The following PHKG2 variants were observed in gnomAD, a reference collection of about 807,000 sequenced individuals.
PHKG2 encodes phosphorylase kinase catalytic subunit gamma 2, also known as phosphorylase b kinase gamma catalytic chain, liver/testis isoform.
In PHKG2, 28 loss-of-function variants were observed where a neutral mutation model predicts 44.5. The ratio of observed to expected loss-of-function variants is 0.63; its 90% CI spans 0.47 to 0.86. The LOEUF (loss-of-function observed/expected upper bound fraction) is 0.86. Among genes scored for constraint, PHKG2 ranks in the 40% least tolerant of loss-of-function variants. The pLI is 0.00. For synonymous variants in PHKG2, 220 were observed against 211.2 expected, an observed-to-expected ratio of 1.04 and a Z score of -0.36; for missense variants, 498 against 547.5, an observed-to-expected ratio of 0.91 and a Z score of 0.90.
At position 30,760,243 on chromosome 16, in the gene PHKG2, C is replaced by T. The variant is rs772647889; in HGVS notation, c.*3146C>T. 3.1e-6 allele frequency: 5 copies of T among 1,613,746 alleles called. No individual in the cohort carries two copies. In the Admixed American group the frequency reaches 6.7e-5, roughly 22 times the overall value. On this transcript the variant is annotated 3_prime_UTR_variant, in exon 10 of 10. Transcript: ENST00000563588. ...GTCACTTGTGCCAGGCCCGGTTCCTCTTCTCCCTGGGGCTCAAACCTGGTA... is the reference window on the plus strand; with the variant it reads ...GTCACTTGTGCCAGGCCCGGTTCCTTTTCTCCCTGGGGCTCAAACCTGGTA...
Position 30,759,980 on chromosome 16 carries a change from TC to T in PHKG2, c.*2884del. 1 of 1,455,252 alleles carries T rather than the reference TC, an allele frequency of 6.9e-7. No homozygotes were observed. Among genetic ancestry groups the T allele is most frequent in the Non-Finnish European group, 9.0e-7 (1 of 1,110,880 alleles). The allele number at this position is 1,455,252 out of a possible 1,614,324, so 90.1% of individuals were successfully genotyped here. A position where few individuals can be genotyped will look rare whatever the true frequency, so the allele number is the denominator to read the frequency against. On this transcript the variant is annotated 3_prime_UTR_variant, in exon 10 of 10. Transcript: ENST00000563588. The stretch of plus-strand genomic sequence containing the variant: ...CTAGGGGAATAAACCAAGAAATAGA[TC>T]ATTTCAGCTATTAAACATTCTGAAG...
chr16:30,760,827 A>C lies in PHKG2; in HGVS notation c.*3730A>C, dbSNP rs1217738452. Reference sequence around the variant, plus strand: ...GCAAATCGTTAACTCTCTGGGCCTAAATGAACTCTTATGAGCCTCTCCATT... The same window carrying C: ...GCAAATCGTTAACTCTCTGGGCCTACATGAACTCTTATGAGCCTCTCCATT... On this transcript the variant is annotated 3_prime_UTR_variant, in exon 10 of 10. Transcript: ENST00000563588. 4.4e-6 allele frequency: 3 copies of C among 689,506 alleles called. No individual in the cohort carries two copies. Among genetic ancestry groups the C allele is most frequent in the Non-Finnish European group, 7.7e-6 (3 of 389,304 alleles). 42.7% of individuals were successfully genotyped at this position (689,506 alleles called of 1,614,324 possible).
Position 30,760,689 on chromosome 16 carries a change from G to C in PHKG2, c.*3592G>C, listed in dbSNP as rs1272197687. The C allele has an allele frequency of 6.5e-7, 1 of 1,549,954 alleles. No individual in the cohort carries two copies. The highest frequency in any genetic ancestry group is 2.0e-5 in the Admixed American group (1 of 50,994). On this transcript the variant is annotated 3_prime_UTR_variant, in exon 10 of 10. Transcript: ENST00000563588. ...ACTTCCTGTTATAGTAAAAGAAAAAGAGTATTGGTGGCCGTTACCTATCAT... is the reference window on the plus strand; with the variant it reads ...ACTTCCTGTTATAGTAAAAGAAAAACAGTATTGGTGGCCGTTACCTATCAT...
At position 30,760,339 on chromosome 16, in the gene PHKG2, C is replaced by T; in HGVS notation, c.*3242C>T. ...GGGCACAAGCCGCTGACGTCTGCTC[C>T]AGTGAGAAGCCCTGCTGGCGGCAGA... On this transcript the variant is annotated 3_prime_UTR_variant, in exon 10 of 10. Coordinates refer to ENST00000563588, the MANE Select transcript of PHKG2 (RefSeq NM_000294.3). 1 of 1,614,230 alleles carries T rather than the reference C, an allele frequency of 6.2e-7. No homozygotes were observed. Among genetic ancestry groups the T allele is most frequent in the East Asian group, 2.2e-5 (1 of 44,882 alleles).
At chr16:30,748,738 C>A in intron 1 of PHKG2, 65 bp from the exon 2 acceptor site, 1 of 931,596 alleles carries the variant, frequency 1.1e-6, no homozygotes, top group South Asian at 1.4e-5. Flanking sequence ...CCCCGGGAGC[C>A]GCCATGCGGG....
Position 30,760,426 on chromosome 16 carries a change from C to G in PHKG2, c.*3329C>G, listed in dbSNP as rs763198572. 8 of 1,614,018 alleles carry G rather than the reference C, an allele frequency of 5.0e-6. No individual in the cohort carries two copies. The highest frequency in any genetic ancestry group is 2.7e-5 in the African/African-American group (2 of 74,902). On this transcript the variant is annotated 3_prime_UTR_variant, in exon 10 of 10. Transcript: ENST00000563588. ...CGTCCCTCAGGCTCTGCTCAGGACA[C>G]CCTAGCTCCAGCAGCTCAGCCAGCA...
chr16:30,760,331 G>A lies in PHKG2; in HGVS notation c.*3234G>A, dbSNP rs372278563. ...CTGGAGCAGGGCACAAGCCGCTGAC[G>A]TCTGCTCCAGTGAGAAGCCCTGCTG... On this transcript the variant is annotated 3_prime_UTR_variant, in exon 10 of 10. Transcript: ENST00000563588. The A allele has an allele frequency of 1.4e-5, 23 of 1,614,102 alleles. No individual in the cohort carries two copies. Among genetic ancestry groups the A allele is most frequent in the Middle Eastern group, 1.6e-4 (1 of 6,084 alleles).
Position 30,748,896 on chromosome 16 carries a change from C to G in PHKG2, c.76C>G (p.Pro26Ala), listed in dbSNP as rs1367737087. The G allele has an allele frequency of 6.4e-7, 1 of 1,553,956 alleles. No individual in the cohort carries two copies. The highest frequency in any genetic ancestry group is 8.7e-7 in the Non-Finnish European group (1 of 1,148,134). The change falls in exon 2 of 10, where the codon CCT (proline) becomes GCT (alanine). Residue 26 changes from proline to alanine, a missense_variant. Coordinates refer to ENST00000563588, the MANE Select transcript of PHKG2 (RefSeq NM_000294.3). ...AAKEFYQKYDPKDVIGRGVSS... is the reference protein window; with the variant it reads ...AAKEFYQKYDAKDVIGRGVSS... ...CAAAGAGTTTTACCAGAAGTACGAC[C>G]CTAAGGACGTCATCGGCAGGTAAGG...
chr16:30,751,801 T>C (rs1334156588), intron 4 of PHKG2, 198 bp downstream of exon 4: 2 of 669,082 alleles, frequency 3.0e-6, no homozygotes, highest in South Asian at 3.1e-5. Context: ...AATTCTTTAA[T>C]AGTGACTAGT....
chr16:30,759,571 T>G lies in PHKG2; in HGVS notation c.*2474T>G. ...GCCCACTGGGGTCTTCACAAGAAGA[T>G]AAGGGTGATGAATGTGAGAGAGACT... On this transcript the variant is annotated 3_prime_UTR_variant, in exon 10 of 10. Coordinates refer to ENST00000563588, the MANE Select transcript of PHKG2 (RefSeq NM_000294.3). 6.2e-7 allele frequency: 1 copy of G among 1,614,038 alleles called. No individual in the cohort carries two copies. Among genetic ancestry groups the G allele is most frequent in the Non-Finnish European group, 8.5e-7 (1 of 1,179,986 alleles).
chr16:30,757,587 C>G lies in PHKG2; in HGVS notation c.*490C>G, dbSNP rs757905209. ...TGGCCTTGAGCCGCTCCTCCACCAG[C>G]CCCTGGAGCTGCTCCAGCTCTTTGT... On this transcript the variant is annotated 3_prime_UTR_variant, in exon 10 of 10. Transcript: ENST00000563588. 5 of 1,614,184 alleles carry G rather than the reference C, an allele frequency of 3.1e-6. No individual in the cohort carries two copies. In the East Asian group the frequency reaches 1.1e-4, roughly 36 times the overall value.
rs1223414017 is a variant in PHKG2, at chr16:30,761,099, T to TC, written c.*4003dup. ...GTAATTGCATCTCCAGGCCTCAGTC[T>TC]CATCTGTAAAATGGGGATGCCCTGG... is the stretch of plus-strand genomic sequence containing the variant. On this transcript the variant is annotated 3_prime_UTR_variant, in exon 10 of 10. Coordinates refer to ENST00000563588, the MANE Select transcript of PHKG2 (RefSeq NM_000294.3). The TC allele has an allele frequency of 2.2e-6, 3 of 1,387,276 alleles. No individual in the cohort carries two copies. Among genetic ancestry groups the TC allele is most frequent in the Non-Finnish European group, 3.0e-6 (3 of 997,582 alleles). The allele number at this position is 1,387,276 out of a possible 1,614,324, so 85.9% of individuals were successfully genotyped here. A position where few individuals can be genotyped will look rare whatever the true frequency, so the allele number is the denominator to read the frequency against.
In PHKG2 at chr16:30,757,658, CAGGGGCAGGGAAGA is replaced by C. The variant is rs1484779383; in HGVS notation, c.*572_*585del. ...GCTCGGAGGACGTGGATGTGGCCTGCAGGGGCAGGGAAGAAGGGGCAGGGTGAGGAGAGATGCTG... is the reference window on the plus strand; with the variant it reads ...GCTCGGAGGACGTGGATGTGGCCTGCAGGGGCAGGGTGAGGAGAGATGCTG... On this transcript the variant is annotated 3_prime_UTR_variant, in exon 10 of 10. Coordinates refer to ENST00000563588, the MANE Select transcript of PHKG2 (RefSeq NM_000294.3). 9.9e-6 allele frequency: 16 copies of C among 1,608,140 alleles called. No individual in the cohort carries two copies. In the Admixed American group the frequency reaches 1.3e-4, roughly 13 times the overall value.
At chr16:30,754,951 T>G (rs1169455593) in intron 6 of PHKG2, 1 of 454,228 alleles carries the variant, frequency 2.2e-6, no homozygotes, top group African/African-American at 2.0e-5. Context: ...CAAGAAATAC[T>G]TGGTGTAGGA....
rs201225455 is a variant in PHKG2 at position 30,756,343 on chromosome 16, G to A, written c.648-24G>A. 90 of 1,614,068 alleles carry A rather than the reference G, an allele frequency of 5.6e-5. No homozygotes were observed. The African/African-American group carries it at 7.9e-4, about 14-fold the overall frequency. On this transcript the variant is annotated intron_variant, in intron 7 of 9. Coordinates refer to ENST00000563588, the MANE Select transcript of PHKG2 (RefSeq NM_000294.3). ...CTGGGTCTGCCCGTCACCTAGTCCCGCCTGACTCCAGTCTCTTTCCCAGCT... is the reference window on the plus strand; with the variant it reads ...CTGGGTCTGCCCGTCACCTAGTCCCACCTGACTCCAGTCTCTTTCCCAGCT...
intron 6 of PHKG2, chr16:30,754,729 C>T (rs2053393992): frequency 7.8e-6 from 3 of 386,288 alleles, no homozygotes; most frequent in South Asian, 5.5e-5. Flanking sequence ...ATCTTTGCCT[C>T]TGCCCACTGC....
At position 30,758,942 on chromosome 16, in the gene PHKG2, A is replaced by C; in HGVS notation, c.*1845A>C. ...TAAAAACAAAAAGTCTGAAGTCCTG[A>C]TGTCATCCAAACCCTTCATTCTACA... On this transcript the variant is annotated 3_prime_UTR_variant, in exon 10 of 10. Transcript: ENST00000563588. The C allele has an allele frequency of 6.3e-7, 1 of 1,591,120 alleles. No homozygotes were observed. The highest frequency in any genetic ancestry group is 8.5e-7 in the Non-Finnish European group (1 of 1,169,646).
chr16:30,751,382 C>T, intron 3 of PHKG2, 101 bp downstream of exon 3: 1 of 1,373,528 alleles, frequency 7.3e-7, no homozygotes, highest in East Asian at 2.3e-5. Flanking sequence ...CACCTCTCCT[C>T]CCTTCATTCC....
chr16:30,758,772 C>G lies in PHKG2; in HGVS notation c.*1675C>G. The G allele has an allele frequency of 1.7e-6, 1 of 600,918 alleles. No individual in the cohort carries two copies. The highest frequency in any genetic ancestry group is 2.8e-6 in the Non-Finnish European group (1 of 355,288). 37.2% of individuals were successfully genotyped at this position (600,918 alleles called of 1,614,324 possible). On this transcript the variant is annotated 3_prime_UTR_variant, in exon 10 of 10. Coordinates refer to ENST00000563588, the MANE Select transcript of PHKG2 (RefSeq NM_000294.3). ...GTTTCACGGTGTTGCCCAGGCTGGT[C>G]GCGAACTCCTGAGCTCAGGCAATCC...
Sources: allele counts gnomAD v4.1 joint callset, GRCh38; gene constraint gnomAD v4.1.1; transcripts MANE v1.5; gene names NCBI Gene and HGNC (gene_info 2026-07-23, HGNC 2026-07-21).